The following COL4A1 variants were observed in gnomAD, a reference collection of about 807,000 sequenced individuals.
COL4A1 encodes collagen alpha-1(IV) chain.
COL4A1 carries 40 observed loss-of-function variants against 216.6 expected under a neutral mutation model. The observed-to-expected ratio is 0.18, with a 90% CI of 0.14 to 0.24. The LOEUF is 0.24. Ranked by LOEUF, COL4A1 falls within the 10% of genes least tolerant of loss-of-function variation. COL4A1 has a pLI of 1.00. For synonymous variants in COL4A1, 839 were observed against 810.7 expected, an observed-to-expected ratio of 1.03 and a Z score of -0.59; for missense variants, 1,628 against 2,196.8, an observed-to-expected ratio of 0.74 and a Z score of 5.18.
At chr13:110,168,872 CAG>C (rs1877468068) in intron 43 of COL4A1, among the ~76,000 whole-genome samples, 1 of 152,166 alleles carries the variant, frequency 6.6e-6, no homozygotes, top group South Asian at 2.1e-4. Context: ...ATAGAGGAAA[CAG>C]AGAGACAGAC....
Position 110,231,370 on chromosome 13 carries a change from G to A in COL4A1, c.144+11305C>T, listed in dbSNP as rs559942651. Among the ~76,000 whole-genome samples the A allele has an allele frequency of 5.3e-5, 8 of 152,342 alleles. No homozygotes were observed. In the South Asian group the frequency reaches 1.7e-3, roughly 32 times the overall value. On this transcript the variant is annotated intron_variant, in intron 2 of 51. Transcript: ENST00000375820. The stretch of plus-strand genomic sequence containing the variant: ...AACATTTCCAAATCGGGAAAAACCT[G>A]ACGTCAAACAGGGAAATGGAATTTG...
intron 48 of COL4A1, among the ~76,000 whole-genome samples, 192 bp from the exon 49 acceptor site, chr13:110,161,561 C>A (rs1484397262): frequency 6.6e-6 from 1 of 152,206 alleles, no homozygotes; most frequent in Non-Finnish European, 1.5e-5. Context: ...CACAAAGAAA[C>A]CTTTTCCTAA....
At chr13:110,226,925 A>G (rs991190025) in intron 2 of COL4A1, among the ~76,000 whole-genome samples, 2 of 152,204 alleles carry the variant, frequency 1.3e-5, no homozygotes, top group African/African-American at 4.8e-5. Flanking sequence ...ATAAATAGCT[A>G]CTTCATAAAT....
chr13:110,150,147 G>A lies in COL4A1; in HGVS notation c.*216C>T, dbSNP rs1876430492. 1 of 605,730 alleles carries A rather than the reference G, an allele frequency of 1.7e-6. No homozygotes were observed. Among genetic ancestry groups the A allele is most frequent in the Non-Finnish European group, 3.0e-6 (1 of 335,908 alleles). 37.5% of individuals were successfully genotyped at this position (605,730 alleles called of 1,614,324 possible). A position where few individuals can be genotyped will look rare whatever the true frequency, so the allele number is the denominator to read the frequency against. ...TTTATTTCATCAAAAGTGCCATTTG[G>A]TATGCCACTATTGAAAGCTTATCGC... On this transcript the variant is annotated 3_prime_UTR_variant, in exon 52 of 52. Coordinates refer to ENST00000375820, the MANE Select transcript of COL4A1 (RefSeq NM_001845.6).
At chr13:110,171,293 C>T (rs751115791) in intron 41 of COL4A1, among the ~76,000 whole-genome samples, 34 of 151,780 alleles carry the variant, frequency 2.2e-4, no homozygotes, top group Non-Finnish European at 3.5e-4. Flanking sequence ...GGCAGATGGA[C>T]GGTTGCTTGG....
At chr13:110,208,449 C>T (rs576746378) in intron 12 of COL4A1, among the ~76,000 whole-genome samples, 14 of 152,318 alleles carry the variant, frequency 9.2e-5, no homozygotes, top group Admixed American at 2.0e-4. Context: ...CGCTGCCCAC[C>T]GTGCTACTCC....
chr13:110,237,148 T>G (rs111510422), intron 2 of COL4A1, among the ~76,000 whole-genome samples: 1 of 152,132 alleles, frequency 6.6e-6, no homozygotes, highest in Admixed American at 6.5e-5. Flanking sequence ...GCAGGTGGCC[T>G]GGGGCGCAGT....
At chr13:110,205,669 C>A in intron 15 of COL4A1, 131 bp from the exon 16 acceptor site, 1 of 963,664 alleles carries the variant, frequency 1.0e-6, no homozygotes, top group Non-Finnish European at 1.6e-6. Context: ...TCGAGACCAG[C>A]CTGGCCAACA....
intron 2 of COL4A1, among the ~76,000 whole-genome samples, chr13:110,235,996 GA>G (rs1383164062): frequency 6.6e-6 from 1 of 152,106 alleles, no homozygotes; most frequent in Non-Finnish European, 1.5e-5. Flanking sequence ...TCTCAAAAAG[GA>G]ATTTCATCTA....
rs779188622 is a variant in COL4A1 at position 110,208,764 on chromosome 13, TC to T, written c.693+84del. 86 of 1,251,708 alleles carry T rather than the reference TC, an allele frequency of 6.9e-5. 1 individual carries two copies. In the South Asian group the frequency reaches 9.7e-4, roughly 14 times the overall value. 77.5% of individuals were successfully genotyped at this position (1,251,708 alleles called of 1,614,324 possible). On this transcript the variant is annotated intron_variant, in intron 12 of 51. Transcript: ENST00000375820. ...AGAAGAGTAACTATACTTGTAAGAG[TC>T]CAGACATTGATCCAAAGGTGGGAAC... is the stretch of plus-strand genomic sequence containing the variant.
chr13:110,154,435 C>T (rs1876667015), intron 50 of COL4A1, among the ~76,000 whole-genome samples: 2 of 152,276 alleles, frequency 1.3e-5, no homozygotes, highest in African/African-American at 4.8e-5. Flanking sequence ...GGAGGGCCTT[C>T]GTGGAGGCCA....
intron 17 of COL4A1, among the ~76,000 whole-genome samples, chr13:110,204,894 A>G (rs566551705): frequency 6.6e-6 from 1 of 152,334 alleles, no homozygotes; most frequent in African/African-American, 2.4e-5. Flanking sequence ...TTCACATCAT[A>G]ATTACACTGA....
rs1879803076 is a variant in COL4A1, at chr13:110,211,690, T to G, written c.442-17A>C. 6.2e-7 allele frequency: 1 copy of G among 1,609,942 alleles called. No individual in the cohort carries two copies. Among genetic ancestry groups the G allele is most frequent in the South Asian group, 1.1e-5 (1 of 89,788 alleles). On this transcript the variant is annotated splice_polypyrimidine_tract_variant and intron_variant, in intron 7 of 51. Transcript: ENST00000375820. This position sits in a 1 kb window ranked among gnomAD's most constrained non-coding sequence, Gnocchi z 4.3. ...TGGTGGTCCCTAAAAAAGAAAGTTT[T>G]GGTGTTAGTTTTGTTTTTCTCAAAA...
chr13:110,296,799 G>A (rs1018278686), intron 1 of COL4A1, among the ~76,000 whole-genome samples: 2 of 152,212 alleles, frequency 1.3e-5, no homozygotes, highest in African/African-American at 4.8e-5. Context: ...GAATTTCCAT[G>A]AACCCCTCCT....
At chr13:110,275,204 C>T (rs1309200415) in intron 1 of COL4A1, among the ~76,000 whole-genome samples, 4 of 152,150 alleles carry the variant, frequency 2.6e-5, no homozygotes, top group Non-Finnish European at 5.9e-5. Flanking sequence ...ACATCTTAAA[C>T]TCAACAATAA....
At chr13:110,151,256 C>G (rs1447352615) in intron 51 of COL4A1, among the ~76,000 whole-genome samples, 1 of 151,886 alleles carries the variant, frequency 6.6e-6, no homozygotes, top group Non-Finnish European at 1.5e-5. Flanking sequence ...TGGGATCTTA[C>G]CTAATTTGCT....
intron 1 of COL4A1, among the ~76,000 whole-genome samples, chr13:110,270,106 T>A (rs976600391): frequency 6.6e-5 from 10 of 152,160 alleles, no homozygotes; most frequent in Admixed American, 4.6e-4. Context: ...TTGGTCTGCA[T>A]CAGCCAGATG....
rs1356772299 is a variant in COL4A1, at chr13:110,205,362, C to G, written c.948G>C (p.Gln316His). 2 of 1,613,986 alleles carry G rather than the reference C, an allele frequency of 1.2e-6. No individual in the cohort carries two copies. The highest frequency in any genetic ancestry group is 4.5e-5 in the East Asian group (2 of 44,880). ...EPGYPGLIGR[Q>H]GPQGEKGEAG... ...TAGTGCCAGCGTTTACCTGCGGGCCCTGGCGGCCTATGAGTCCTGGGTACC... is the reference window on the plus strand; with the variant it reads ...TAGTGCCAGCGTTTACCTGCGGGCCGTGGCGGCCTATGAGTCCTGGGTACC... The change falls in exon 17 of 52, where the codon CAG (glutamine) becomes CAC (histidine). Residue 316 changes from glutamine (Q) to histidine (H), a missense_variant. By Grantham distance (24) the Gln-to-His change is conservative (BLOSUM62 0). Around this residue, in one of 8 missense-constraint regions of COL4A1, gnomAD observed 701 missense variants for 892.5 expected, o/e 0.79. Coordinates refer to ENST00000375820, the MANE Select transcript of COL4A1 (RefSeq NM_001845.6).
chr13:110,242,479 A>G (rs1471504997), intron 2 of COL4A1, among the ~76,000 whole-genome samples, 196 bp downstream of exon 2: 1 of 152,258 alleles, frequency 6.6e-6, no homozygotes, highest in East Asian at 1.9e-4. Context: ...CATTCTTTGG[A>G]GAAGAGCTAT....
Sources: gnomAD v4.1 joint callset for allele counts (sites outside exome capture counted in the v4.1 genomes callset) on GRCh38, gnomAD v4.1.1 for gene constraint, gnomAD v4.1.1 regional missense constraint, Gnocchi (gnomAD v3.1) non-coding constraint, MANE v1.5 for transcripts, NCBI Gene and HGNC (gene_info 2026-07-23, HGNC 2026-07-21) for gene names.